LRRC4C: variants seen among roughly 807,000 people sequenced by gnomAD.
The protein encoded by LRRC4C is leucine rich repeat containing 4C, also known as leucine-rich repeat-containing protein 4C.
In LRRC4C, 5 loss-of-function variants were observed where a neutral mutation model predicts 33.6. The observed-to-expected ratio is 0.15, with a 90% confidence interval of 0.08 to 0.31. The LOEUF is 0.31. Among genes scored for constraint, LRRC4C ranks in the 10% least tolerant of loss-of-function variants. The pLI is 1.00. For synonymous variants in LRRC4C, 329 were observed against 302.0 expected, an observed-to-expected ratio of 1.09 and a Z score of -0.93; for missense variants, 560 against 796.7, an observed-to-expected ratio of 0.70 and a Z score of 3.58.
chr11:41,168,733 T>C lies in LRRC4C; in HGVS notation c.-495-235010A>G, dbSNP rs535182751. 2.6e-4 allele frequency among the ~76,000 whole-genome samples: 39 copies of C among 151,852 alleles called. No individual in the cohort carries two copies. The South Asian group carries it at 7.9e-3, about 31-fold the overall frequency. On this transcript the variant is annotated intron_variant, in intron 1 of 6. Transcript: ENST00000528697. ...AATAAATACTAAGATTCATTTTCAATTGAGTACTTTTCACAGGGGTAGCTC... is the reference window on the plus strand; with the variant it reads ...AATAAATACTAAGATTCATTTTCAACTGAGTACTTTTCACAGGGGTAGCTC...
intron 3 of LRRC4C, among the ~76,000 whole-genome samples, chr11:40,522,403 G>C (rs953886727): frequency 2.6e-5 from 4 of 152,128 alleles, no homozygotes. Context: ...ATCTCATCTT[G>C]AATTGTACTC....
At chr11:41,287,126 A>G (rs1236817127) in intron 1 of LRRC4C, among the ~76,000 whole-genome samples, 1 of 152,224 alleles carries the variant, frequency 6.6e-6, no homozygotes, top group African/African-American at 2.4e-5. Context: ...GACAGAGCAT[A>G]AAACCTTCTA....
intron 4 of LRRC4C, among the ~76,000 whole-genome samples, chr11:40,280,051 A>G (rs570646949): frequency 6.6e-6 from 1 of 152,294 alleles, no homozygotes; most frequent in African/African-American, 2.4e-5. Context: ...ATACAGTTTC[A>G]GTGCCAGCCC....
At chr11:40,138,284 C>T (rs1857127283) in intron 6 of LRRC4C, among the ~76,000 whole-genome samples, 1 of 152,082 alleles carries the variant, frequency 6.6e-6, no homozygotes, top group African/African-American at 2.4e-5. Flanking sequence ...CCTTCTACCT[C>T]AGCCTCCCTT....
intron 1 of LRRC4C, among the ~76,000 whole-genome samples, chr11:41,126,826 C>T (rs1487151782): frequency 2.0e-5 from 3 of 151,980 alleles, no homozygotes; most frequent in Admixed American, 6.6e-5. Flanking sequence ...TGAGCAACGC[C>T]GCTGTAGAAC....
chr11:40,774,458 G>A (rs1368772791), intron 2 of LRRC4C, among the ~76,000 whole-genome samples: 1 of 152,116 alleles, frequency 6.6e-6, no homozygotes, highest in African/African-American at 2.4e-5. Context: ...AAATTAATCT[G>A]GAGCTATTCT....
chr11:41,271,877 C>T lies in LRRC4C; in HGVS notation c.-496+187554G>A, dbSNP rs531202907. On this transcript the variant is annotated intron_variant, in intron 1 of 6. Coordinates refer to ENST00000528697, the MANE Select transcript of LRRC4C (RefSeq NM_001258419.2). ...GAAGGAATGAATGCTAATTGTTAAA[C>T]TACCACTATATGCTTAATTATTTTC... 1.2e-3 allele frequency among the ~76,000 whole-genome samples: 182 copies of T among 152,272 alleles called. 1 individual carries two copies. Among genetic ancestry groups the T allele is most frequent in the African/African-American group, 4.2e-3 (176 of 41,578 alleles).
intron 2 of LRRC4C, among the ~76,000 whole-genome samples, chr11:40,920,908 G>A (rs537950033): frequency 6.3e-5 from 9 of 142,488 alleles, no homozygotes; most frequent in East Asian, 4.2e-4. Flanking sequence ...ATCCAGGTGC[G>A]CCCAACATAA....
rs1249299069 is a variant in LRRC4C, at chr11:41,331,192, C to T, written c.-496+128239G>A. 3.9e-5 allele frequency among the ~76,000 whole-genome samples: 6 copies of T among 152,166 alleles called. No individual in the cohort carries two copies. The East Asian group carries it at 1.2e-3, about 29-fold the overall frequency. ...ACAGTTCATGCAATTCTCCCTCAGG[C>T]TCTGAACAAAATATGTCCATTATGA... On this transcript the variant is annotated intron_variant, in intron 1 of 6. Coordinates refer to ENST00000528697, the MANE Select transcript of LRRC4C (RefSeq NM_001258419.2).
chr11:40,811,290 T>C (rs147429786), intron 2 of LRRC4C, among the ~76,000 whole-genome samples: 1 of 152,252 alleles, frequency 6.6e-6, no homozygotes, highest in African/African-American at 2.4e-5. Flanking sequence ...ATTTCCTCCA[T>C]AGCACCTAAG....
At position 40,768,340 on chromosome 11, in the gene LRRC4C, A is replaced by G. The variant is rs182099496; in HGVS notation, c.-406-120062T>C. On this transcript the variant is annotated intron_variant, in intron 2 of 6. Transcript: ENST00000528697. Reference sequence around the variant, plus strand: ...TATAATAACAAGCCTCCTGGCCAAGAAAAACTTGGGACCTGGTGGTTTCAC... The same window carrying G: ...TATAATAACAAGCCTCCTGGCCAAGGAAAACTTGGGACCTGGTGGTTTCAC... Among the ~76,000 whole-genome samples the G allele has an allele frequency of 1.4e-4, 22 of 152,218 alleles. No individual in the cohort carries two copies. The East Asian group carries it at 4.1e-3, about 28-fold the overall frequency.
At chr11:40,937,641 G>GTGTGTA in intron 1 of LRRC4C, among the ~76,000 whole-genome samples, 1 of 147,444 alleles carries the variant, frequency 6.8e-6, no homozygotes, top group African/African-American at 2.5e-5. Flanking sequence ...GTGTGTGTGT[G>GTGTGTA]TGTAGGGTGG....
intron 1 of LRRC4C, among the ~76,000 whole-genome samples, chr11:40,994,548 A>ACAT: frequency 1.3e-5 from 2 of 152,082 alleles, no homozygotes; most frequent in Non-Finnish European, 2.9e-5. Flanking sequence ...CATAGTTGAA[A>ACAT]ACCCTGGTGA....
intron 1 of LRRC4C, among the ~76,000 whole-genome samples, chr11:41,048,046 A>G (rs1485051459): frequency 1.3e-5 from 2 of 152,172 alleles, no homozygotes; most frequent in Middle Eastern, 3.2e-3. Context: ...TGTCCCTGCC[A>G]TAACTTTTCT....
At position 40,695,733 on chromosome 11, in the gene LRRC4C, C is replaced by A. The variant is rs894325892; in HGVS notation, c.-406-47455G>T. On this transcript the variant is annotated intron_variant, in intron 2 of 6. Transcript: ENST00000528697. ...AGCTCCCTTCCATCTTCAAAGCCAGCAATTGCATCACTCTGACCCCATCAT... is the reference window on the plus strand; with the variant it reads ...AGCTCCCTTCCATCTTCAAAGCCAGAAATTGCATCACTCTGACCCCATCAT... Among the ~76,000 whole-genome samples the A allele has an allele frequency of 4.6e-5, 7 of 152,120 alleles. No homozygotes were observed. The East Asian group carries it at 1.2e-3, about 25-fold the overall frequency.
intron 2 of LRRC4C, among the ~76,000 whole-genome samples, chr11:40,930,761 G>A (rs1023902069): frequency 6.6e-6 from 1 of 152,156 alleles, no homozygotes. Flanking sequence ...TATCATATAA[G>A]CAATAGCATT....
At chr11:40,355,965 TATAGTATAGTAC>T (rs1947645698) in intron 3 of LRRC4C, among the ~76,000 whole-genome samples, 1 of 74,952 alleles carries the variant, frequency 1.3e-5, no homozygotes, top group Non-Finnish European at 3.5e-5. Flanking sequence ...TATAGTATAG[TATAGTATAGTAC>T]AGTATAGTAT....
chr11:41,300,846 T>C (rs1950264437), intron 1 of LRRC4C, among the ~76,000 whole-genome samples: 1 of 152,162 alleles, frequency 6.6e-6, no homozygotes. Flanking sequence ...TAACATTTCA[T>C]GTAAAATACT....
At chr11:41,048,216 A>G (rs1857924331) in intron 1 of LRRC4C, among the ~76,000 whole-genome samples, 1 of 151,994 alleles carries the variant, frequency 6.6e-6, no homozygotes. Context: ...GGGATGTGTA[A>G]AAGAGGAAAT....
Sources: allele counts gnomAD v4.1 joint callset (sites outside exome capture counted in the v4.1 genomes callset), GRCh38; gene constraint gnomAD v4.1.1; transcripts MANE v1.5; gene names NCBI Gene and HGNC (gene_info 2026-07-23, HGNC 2026-07-21).